Variants in BRINP2 observed in about 807,000 individuals in gnomAD.
The protein encoded by BRINP2 is BMP/retinoic acid inducible neural specific 2, also known as BMP/retinoic acid-inducible neural-specific protein 2.
BRINP2 carries 21 observed loss-of-function variants against 69.2 expected under a neutral mutation model. That is an observed-to-expected ratio of 0.30 (90% CI 0.22 to 0.44). The LOEUF (loss-of-function observed/expected upper bound fraction) is 0.44, where lower values mean the gene tolerates loss of function less well. Among genes scored for constraint, BRINP2 ranks in the 20% least tolerant of loss-of-function variants. The pLI is 1.00. For synonymous variants in BRINP2, 380 were observed against 394.1 expected (o/e 0.96, Z 0.42); for missense variants, 877 against 986.0 (o/e 0.89, Z 1.48).
intron 1 of BRINP2, among the ~76,000 whole-genome samples, chr1:177,211,790 C>G (rs1487802639): frequency 6.6e-6 from 1 of 152,038 alleles, no homozygotes; most frequent in Non-Finnish European, 1.5e-5. Context: ...TTTTTTTTCT[C>G]TGTATAAGTG....
At chr1:177,264,979 T>C (rs552086911) in intron 4 of BRINP2, among the ~76,000 whole-genome samples, 2 of 152,218 alleles carry the variant, frequency 1.3e-5, no homozygotes, top group East Asian at 1.9e-4. Flanking sequence ...GGAAACAAAA[T>C]AGAGCCCGCG....
At chr1:177,261,619 A>G (rs1234566523) in intron 4 of BRINP2, among the ~76,000 whole-genome samples, 1 of 152,244 alleles carries the variant, frequency 6.6e-6, no homozygotes, top group African/African-American at 2.4e-5. Context: ...TCAGTTGGAC[A>G]CAAACACCAG....
rs140854440 is a variant in BRINP2 at position 177,236,966 on chromosome 1, C to A, written c.269+6821C>A. ...CCTGAAGAGGCATGTCATTTTCTAG[C>A]ATTAGGGGTAAGTAAAATGAAGTAA... On this transcript the variant is annotated intron_variant, in intron 2 of 7. Transcript: ENST00000361539. Among the ~76,000 whole-genome samples the A allele has an allele frequency of 3.3e-5, 5 of 150,556 alleles. No homozygotes were observed. The East Asian group carries it at 9.7e-4, about 29-fold the overall frequency.
intron 2 of BRINP2, among the ~76,000 whole-genome samples, chr1:177,238,069 T>A (rs1301859675): frequency 6.6e-6 from 1 of 152,194 alleles, no homozygotes; most frequent in African/African-American, 2.4e-5. Flanking sequence ...CAGCCCATGT[T>A]TATCCAGGAT....
intron 1 of BRINP2, among the ~76,000 whole-genome samples, chr1:177,195,343 T>A (rs1328232621): frequency 6.6e-6 from 1 of 152,004 alleles, no homozygotes; most frequent in East Asian, 1.9e-4. Context: ...CTTCTCCTTT[T>A]GGATGTTTCA....
At chr1:177,252,298 T>G (rs1311231794) in intron 2 of BRINP2, among the ~76,000 whole-genome samples, 2 of 152,182 alleles carry the variant, frequency 1.3e-5, no homozygotes, top group Non-Finnish European at 2.9e-5. Flanking sequence ...CCATGAATTA[T>G]TAGTCACCCG....
At chr1:177,251,921 A>C (rs959085276) in intron 2 of BRINP2, among the ~76,000 whole-genome samples, 2 of 152,208 alleles carry the variant, frequency 1.3e-5, no homozygotes, top group African/African-American at 2.4e-5. Context: ...AATAGATTAG[A>C]AATTATTAGT....
At chr1:177,248,877 C>T (rs1344801228) in intron 2 of BRINP2, among the ~76,000 whole-genome samples, 1 of 152,114 alleles carries the variant, frequency 6.6e-6, no homozygotes. Context: ...TCATCGGAGA[C>T]CCTTTTGCTT....
At chr1:177,263,208 A>G (rs1651013337) in intron 4 of BRINP2, among the ~76,000 whole-genome samples, 1 of 152,196 alleles carries the variant, frequency 6.6e-6, no homozygotes, top group African/African-American at 2.4e-5. Flanking sequence ...GAAAGAGACT[A>G]GAGCAAGTAT....
chr1:177,212,066 CAGATAGATAGAT>C lies in BRINP2; in HGVS notation c.-76-17702_-76-17691del, dbSNP rs61645500. ...ATCTGTCTACATATCTCTATAGACA[CAGATAGATAGAT>C]AGATAGATAGATAGATAGATAGATA... On this transcript the variant is annotated intron_variant, in intron 1 of 7. Coordinates refer to ENST00000361539, the MANE Select transcript of BRINP2 (RefSeq NM_021165.4). Among the ~76,000 whole-genome samples the C allele has an allele frequency of 9.2e-3, 1,372 of 149,138 alleles. 17 individuals carry two copies. Among genetic ancestry groups the C allele is most frequent in the African/African-American group, 0.029 (1,162 of 40,344 alleles).
chr1:177,197,763 T>C (rs1162129659), intron 1 of BRINP2, among the ~76,000 whole-genome samples: 2 of 152,066 alleles, frequency 1.3e-5, no homozygotes, highest in East Asian at 3.9e-4. Flanking sequence ...GGAGAGACCA[T>C]GGAATTTACC....
At chr1:177,174,242 A>G (rs1344636099) in intron 1 of BRINP2, among the ~76,000 whole-genome samples, 2 of 152,246 alleles carry the variant, frequency 1.3e-5, no homozygotes, top group African/African-American at 4.8e-5. Flanking sequence ...AACCAACCCC[A>G]GACTCCATGG....
intron 1 of BRINP2, among the ~76,000 whole-genome samples, chr1:177,218,571 T>G (rs1649440297): frequency 6.6e-6 from 1 of 152,178 alleles, no homozygotes; most frequent in Non-Finnish European, 1.5e-5. Context: ...GTCATGTGGT[T>G]TTCTCCTCCA....
chr1:177,271,627 G>A (rs1571946389), intron 4 of BRINP2, among the ~76,000 whole-genome samples: 1 of 152,240 alleles, frequency 6.6e-6, no homozygotes, highest in South Asian at 2.1e-4. Flanking sequence ...AAGTTAAGTG[G>A]GATGCTCTTG....
intron 1 of BRINP2, among the ~76,000 whole-genome samples, chr1:177,177,297 C>CAAACAAACA (rs1553267447): frequency 5.2e-5 from 7 of 135,510 alleles, no homozygotes; most frequent in African/African-American, 1.5e-4. Flanking sequence ...AACAAACAAA[C>CAAACAAACA]AACAACAACA....
chr1:177,240,910 C>G (rs1650177686), intron 2 of BRINP2, among the ~76,000 whole-genome samples: 1 of 151,986 alleles, frequency 6.6e-6, no homozygotes, highest in African/African-American at 2.4e-5. Flanking sequence ...TGCAGACAGT[C>G]AAGAAGGTGG....
intron 1 of BRINP2, among the ~76,000 whole-genome samples, chr1:177,215,113 T>G (rs904713850): frequency 6.6e-6 from 1 of 152,208 alleles, no homozygotes; most frequent in African/African-American, 2.4e-5. Context: ...CTTCTATGAG[T>G]TCAATTGTTT....
At chr1:177,252,093 A>G (rs2102342831) in intron 2 of BRINP2, among the ~76,000 whole-genome samples, 1 of 152,338 alleles carries the variant, frequency 6.6e-6, no homozygotes, top group South Asian at 2.1e-4. Flanking sequence ...CCAGCCAATT[A>G]GAGATGAGAT....
intron 1 of BRINP2, among the ~76,000 whole-genome samples, chr1:177,191,457 G>T (rs775643456): frequency 6.6e-6 from 1 of 151,726 alleles, no homozygotes; most frequent in East Asian, 1.9e-4. Context: ...TCACTCTTTC[G>T]CTCTTTTTTT....
Sources: gnomAD v4.1 joint callset for allele counts (sites outside exome capture counted in the v4.1 genomes callset) on GRCh38, gnomAD v4.1.1 for gene constraint, MANE v1.5 for transcripts, NCBI Gene and HGNC (gene_info 2026-07-23, HGNC 2026-07-21) for gene names.